PXDNL: variants seen among roughly 807,000 people sequenced by gnomAD.
The protein encoded by PXDNL is probable oxidoreductase PXDNL.
A neutral mutation model predicts 150.8 loss-of-function variants in PXDNL; 145 were observed. That is an observed-to-expected ratio of 0.96 (90% CI 0.84 to 1.10). The LOEUF (loss-of-function observed/expected upper bound fraction) is 1.10, where lower values mean the gene tolerates loss of function less well. Ranked by LOEUF, PXDNL falls within the 50% of genes least tolerant of loss-of-function variation. The probability of loss-of-function intolerance (pLI) is 0.00; values close to 1 mark genes in which losing one functional copy is unlikely to be tolerated. For missense variants in PXDNL, 2,087 were observed against 1,873.9 expected, an observed-to-expected ratio of 1.11 and a Z score of -2.10; for synonymous variants, 757 against 725.7, an observed-to-expected ratio of 1.04 and a Z score of -0.69.
At chr8:51,578,813 T>C (rs1414235388) in intron 3 of PXDNL, among the ~76,000 whole-genome samples, 3 of 152,048 alleles carry the variant, frequency 2.0e-5, no homozygotes, top group South Asian at 2.1e-4. Context: ...CTGCAAAATA[T>C]AGCCAACTTA....
intron 3 of PXDNL, among the ~76,000 whole-genome samples, chr8:51,586,372 C>T (rs1813323195): frequency 6.6e-6 from 1 of 152,194 alleles, no homozygotes. Context: ...ACAAAAAGAA[C>T]TGACTCATTA....
Position 51,733,812 on chromosome 8 carries a change from A to AAT in PXDNL, c.164+75367_164+75368dup, listed in dbSNP as rs9298461. Reference sequence around the variant, plus strand: ...GACACAGCAAGACTCTGTCTCAAATAATATATATATATATATATATAATTT... The same window carrying AAT: ...GACACAGCAAGACTCTGTCTCAAATAATATATATATATATATATATATAATTT... On this transcript the variant is annotated intron_variant, in intron 1 of 22. Transcript: ENST00000356297. Among the ~76,000 whole-genome samples, 324 of 138,378 alleles carry AAT rather than the reference A, an allele frequency of 2.3e-3. 3 individuals are homozygous for AAT. The highest frequency in any genetic ancestry group is 7.9e-3 in the African/African-American group (292 of 36,876). 90.8% of individuals were successfully genotyped at this position (138,378 alleles called of 152,430 possible). A position where few individuals can be genotyped will look rare whatever the true frequency, so the allele number is the denominator to read the frequency against.
intron 1 of PXDNL, among the ~76,000 whole-genome samples, chr8:51,685,819 A>G (rs1365625354): frequency 6.6e-6 from 1 of 152,192 alleles, no homozygotes; most frequent in Non-Finnish European, 1.5e-5. Flanking sequence ...TATATTATTT[A>G]TCAAGAATAT....
intron 1 of PXDNL, among the ~76,000 whole-genome samples, chr8:51,739,936 A>G (rs4873588): frequency 0.13 from 19,912 of 151,952 alleles, 2,444 homozygotes; most frequent in East Asian, 0.33. Context: ...AGAATTCACA[A>G]TCTGAAACAC....
intron 4 of PXDNL, among the ~76,000 whole-genome samples, chr8:51,523,313 T>G (rs1004000858): frequency 2.6e-5 from 4 of 152,238 alleles, no homozygotes; most frequent in African/African-American, 9.6e-5. Flanking sequence ...AATATGCTTT[T>G]GGTAATAACA....
chr8:51,426,846 G>A (rs1809118531), intron 12 of PXDNL, 88 bp from the exon 13 acceptor site: 13 of 726,290 alleles, frequency 1.8e-5, no homozygotes. Flanking sequence ...GAACCTGAAT[G>A]CCATATTGGT....
At chr8:51,393,852 C>A (rs1304436701) in intron 17 of PXDNL, among the ~76,000 whole-genome samples, 2 of 152,234 alleles carry the variant, frequency 1.3e-5, no homozygotes, top group Non-Finnish European at 2.9e-5. Context: ...CCTGAAAGGG[C>A]ACAGCCCTGA....
At chr8:51,362,560 C>T (rs1806788387) in intron 19 of PXDNL, among the ~76,000 whole-genome samples, 1 of 152,180 alleles carries the variant, frequency 6.6e-6, no homozygotes, top group African/African-American at 2.4e-5. Flanking sequence ...CTTGTCTTAA[C>T]TGAACTTTTA....
At chr8:51,481,899 G>A (rs1239383205) in intron 6 of PXDNL, among the ~76,000 whole-genome samples, 1 of 152,210 alleles carries the variant, frequency 6.6e-6, no homozygotes, top group South Asian at 2.1e-4. Flanking sequence ...TGCTGCAGGG[G>A]TGGGGCCCTC....
chr8:51,386,945 A>C (rs1807735931), intron 17 of PXDNL, among the ~76,000 whole-genome samples: 1 of 152,170 alleles, frequency 6.6e-6, no homozygotes, highest in Non-Finnish European at 1.5e-5. Context: ...TGTCCTCAAA[A>C]CTGCAAAACT....
At chr8:51,598,195 A>C (rs1490885513) in intron 2 of PXDNL, among the ~76,000 whole-genome samples, 1 of 152,112 alleles carries the variant, frequency 6.6e-6, no homozygotes, top group Non-Finnish European at 1.5e-5. Context: ...AGGTAGTTTG[A>C]CTTTTTTTCC....
chr8:51,436,663 CAAT>C (rs1418449722), intron 12 of PXDNL, among the ~76,000 whole-genome samples: 1 of 152,088 alleles, frequency 6.6e-6, no homozygotes, highest in Non-Finnish European at 1.5e-5. Context: ...TTGAGCTGAA[CAAT>C]AATACCCAAC....
intron 2 of PXDNL, among the ~76,000 whole-genome samples, chr8:51,626,756 C>T (rs118182833): frequency 0.051 from 7,797 of 152,208 alleles, 293 homozygotes; most frequent in Non-Finnish European, 0.082. Context: ...AATTTAAATA[C>T]CCAAATCAGT....
chr8:51,641,361 A>C (rs921241440), intron 2 of PXDNL, among the ~76,000 whole-genome samples: 2 of 149,500 alleles, frequency 1.3e-5, no homozygotes, highest in African/African-American at 2.5e-5. Flanking sequence ...AATGGGATCT[A>C]ATTAAACTCA....
chr8:51,374,144 T>C (rs1200633644), intron 18 of PXDNL, among the ~76,000 whole-genome samples: 1 of 152,220 alleles, frequency 6.6e-6, no homozygotes, highest in African/African-American at 2.4e-5. Flanking sequence ...TCCATGAGAA[T>C]GAAGGGAGGG....
At chr8:51,435,810 T>A (rs758222528) in intron 12 of PXDNL, 9 of 426,868 alleles carry the variant, frequency 2.1e-5, no homozygotes, top group Admixed American at 8.6e-5. Context: ...TCCAGAGGAA[T>A]AAATAAATTT....
chr8:51,477,318 C>T (rs6473607), intron 6 of PXDNL, among the ~76,000 whole-genome samples: 36,375 of 152,112 alleles, frequency 0.24, 6,770 homozygotes, highest in African/African-American at 0.52. Context: ...GTTAACCATA[C>T]ACATATTATT....
intron 1 of PXDNL, among the ~76,000 whole-genome samples, chr8:51,745,136 TG>T (rs1487463005): frequency 6.6e-6 from 1 of 152,202 alleles, no homozygotes; most frequent in Non-Finnish European, 1.5e-5. Context: ...CCCACTTATT[TG>T]TTATTTTGTC....
intron 1 of PXDNL, among the ~76,000 whole-genome samples, chr8:51,804,556 C>T (rs1331289670): frequency 6.6e-6 from 1 of 152,128 alleles, no homozygotes; most frequent in African/African-American, 2.4e-5. Flanking sequence ...CCTTCTAACA[C>T]CAGACTTGTA....
Sources: allele counts gnomAD v4.1 joint callset (sites outside exome capture counted in the v4.1 genomes callset), GRCh38; gene constraint gnomAD v4.1.1; transcripts MANE v1.5; gene names NCBI Gene and HGNC (gene_info 2026-07-23, HGNC 2026-07-21).